Variants in SND1 observed in about 807,000 individuals in gnomAD.
SND1 encodes staphylococcal nuclease and tudor domain containing 1, also known as staphylococcal nuclease domain-containing protein 1.
A neutral mutation model predicts 121.7 loss-of-function variants in SND1; 38 were observed. The ratio of observed to expected loss-of-function variants is 0.31; its 90% confidence interval spans 0.24 to 0.41. SND1 has a LOEUF of 0.41. Ranked by LOEUF, SND1 falls within the 10% of genes least tolerant of loss-of-function variation. The pLI, the probability that SND1 is intolerant of heterozygous loss-of-function variation, is 1.00. For missense variants in SND1, 868 were observed against 1,184.6 expected (o/e 0.73, Z 3.92); for synonymous variants, 401 against 447.4 (o/e 0.90, Z 1.31).
intron 1 of SND1, among the ~76,000 whole-genome samples, chr7:127,656,083 A>G (rs928188973): frequency 6.6e-6 from 1 of 152,086 alleles, no homozygotes; most frequent in Non-Finnish European, 1.5e-5. Context: ...TTATTCTAAG[A>G]ACCATGATTC....
At chr7:127,943,961 C>T (rs752795266) in intron 15 of SND1, among the ~76,000 whole-genome samples, 3 of 152,186 alleles carry the variant, frequency 2.0e-5, no homozygotes, top group African/African-American at 4.8e-5. Context: ...CAGAGGAGGG[C>T]GGATGTGGCT....
intron 15 of SND1, among the ~76,000 whole-genome samples, chr7:127,984,061 C>A (rs1389344388): frequency 6.6e-6 from 1 of 152,218 alleles, no homozygotes; most frequent in Non-Finnish European, 1.5e-5. Flanking sequence ...CACCTTTTAT[C>A]TTCCCTTTAA....
At chr7:127,950,966 G>A (rs1367201667) in intron 15 of SND1, among the ~76,000 whole-genome samples, 1 of 152,132 alleles carries the variant, frequency 6.6e-6, no homozygotes, top group East Asian at 1.9e-4. Context: ...CACTGTTTGT[G>A]AGATTGTAAC....
chr7:127,830,420 A>AGAG lies in SND1; in HGVS notation c.1243-13901_1243-13899dup, dbSNP rs1303262930. Among the ~76,000 whole-genome samples the AGAG allele has an allele frequency of 4.6e-5, 7 of 152,234 alleles. No individual in the cohort carries two copies. In the East Asian group the frequency reaches 1.4e-3, roughly 29 times the overall value. ...TGGTTAAGTGTTGGTGAGAGTGGGG[A>AGAG]GAGGAAGTACCTTATAATTGCACCT... On this transcript the variant is annotated intron_variant, in intron 11 of 23. Coordinates refer to ENST00000354725, the MANE Select transcript of SND1 (RefSeq NM_014390.4).
At chr7:127,978,632 C>T (rs1013265420) in intron 15 of SND1, among the ~76,000 whole-genome samples, 3 of 152,174 alleles carry the variant, frequency 2.0e-5, no homozygotes, top group Non-Finnish European at 2.9e-5. Context: ...CTGGCCATTT[C>T]CCCTAAGCCA....
intron 16 of SND1, chr7:128,027,083 C>CGTTG (rs1803497041): frequency 6.6e-6 from 1 of 152,310 alleles, no homozygotes; most frequent in South Asian, 2.1e-4. Context: ...AAAAATTCAA[C>CGTTG]AATATTTATT....
chr7:127,856,364 T>C (rs939731375), intron 12 of SND1, among the ~76,000 whole-genome samples: 2 of 152,238 alleles, frequency 1.3e-5, no homozygotes, highest in African/African-American at 4.8e-5. Context: ...GAAATGTTTT[T>C]ACTCTACCCC....
chr7:127,858,002 C>T, intron 12 of SND1: 2 of 1,456,784 alleles, frequency 1.4e-6, no homozygotes, highest in Non-Finnish European at 1.9e-6. Context: ...TCGGCATCCC[C>T]CGGGTTCTCC....
At chr7:127,755,769 C>T (rs781437874) in intron 10 of SND1, among the ~76,000 whole-genome samples, 10 of 152,210 alleles carry the variant, frequency 6.6e-5, no homozygotes, top group Non-Finnish European at 1.3e-4. Flanking sequence ...ATTGTCATGC[C>T]TCTGCTGATT....
Position 127,709,989 on chromosome 7 carries a change from AT to A in SND1, c.1038+2356del, listed in dbSNP as rs879455745. 2.8e-3 allele frequency among the ~76,000 whole-genome samples: 402 copies of A among 145,734 alleles called. 1 individual carries two copies. The highest frequency in any genetic ancestry group is 4.0e-3 in the African/African-American group (160 of 40,150). The stretch of plus-strand genomic sequence containing the variant: ...CACTATGACTTGGCCTTGTTTTGTA[AT>A]TTTTTTTTTTTTTAACAAAGTTGAT... On this transcript the variant is annotated intron_variant, in intron 9 of 23. Transcript: ENST00000354725.
intron 12 of SND1, among the ~76,000 whole-genome samples, chr7:127,886,849 C>CAAA (rs11413396): frequency 0.24 from 28,819 of 117,888 alleles, 4,169 homozygotes; most frequent in East Asian, 0.52. Context: ...CTTATTCTGG[C>CAAA]AAAAAAAAAA....
At chr7:128,083,345 A>G (rs974805492) in intron 18 of SND1, among the ~76,000 whole-genome samples, 4 of 152,220 alleles carry the variant, frequency 2.6e-5, no homozygotes, top group African/African-American at 9.6e-5. Context: ...AGGCTTCTTA[A>G]TCCCTGGAAT....
chr7:127,838,467 A>G (rs1798906534), intron 11 of SND1, among the ~76,000 whole-genome samples: 1 of 152,216 alleles, frequency 6.6e-6, no homozygotes, highest in African/African-American at 2.4e-5. Flanking sequence ...TGTCTTCCTA[A>G]TTTAGTAAGG....
At chr7:127,787,759 T>A (rs1305218200) in intron 10 of SND1, among the ~76,000 whole-genome samples, 1 of 152,164 alleles carries the variant, frequency 6.6e-6, no homozygotes, top group Admixed American at 6.5e-5. Context: ...CAACTGTAGA[T>A]TTATTATCTT....
chr7:127,876,885 T>C (rs1356807658), intron 12 of SND1, among the ~76,000 whole-genome samples: 1 of 152,182 alleles, frequency 6.6e-6, no homozygotes, highest in Admixed American at 6.5e-5. Flanking sequence ...ATGCAGTTTC[T>C]TTCTATTGAA....
chr7:127,937,292 A>G (rs975681390), intron 15 of SND1, among the ~76,000 whole-genome samples: 2 of 152,258 alleles, frequency 1.3e-5, no homozygotes, highest in African/African-American at 4.8e-5. Context: ...GGCAGCAGCC[A>G]CTTGGCAGGG....
intron 10 of SND1, among the ~76,000 whole-genome samples, chr7:127,791,039 C>T (rs564743002): frequency 1.3e-5 from 2 of 151,478 alleles, no homozygotes; most frequent in East Asian, 1.9e-4. Flanking sequence ...TTATACTGAA[C>T]ATTTTTATAT....
At chr7:127,766,574 G>C (rs1271605508) in intron 10 of SND1, among the ~76,000 whole-genome samples, 1 of 151,832 alleles carries the variant, frequency 6.6e-6, no homozygotes. Context: ...AGGAGATCAA[G>C]ACCATCCTGG....
At chr7:128,069,954 C>T (rs902817402) in intron 16 of SND1, among the ~76,000 whole-genome samples, 13 of 152,162 alleles carry the variant, frequency 8.5e-5, no homozygotes, top group Admixed American at 1.3e-4. Flanking sequence ...GAAGCCTTCC[C>T]GGAGAAAGTG....
Sources: gnomAD v4.1 joint callset for allele counts (sites outside exome capture counted in the v4.1 genomes callset) on GRCh38, gnomAD v4.1.1 for gene constraint, MANE v1.5 for transcripts, NCBI Gene and HGNC (gene_info 2026-07-23, HGNC 2026-07-21) for gene names.